The following NUP160 variants were observed in gnomAD, a reference collection of about 807,000 sequenced individuals.
The protein encoded by NUP160 is nuclear pore complex protein Nup160.
In NUP160, 94 loss-of-function variants were observed where a neutral mutation model predicts 196.9. The ratio of observed to expected loss-of-function variants is 0.48; its 90% CI spans 0.40 to 0.57. The LOEUF (loss-of-function observed/expected upper bound fraction) is 0.57, where lower values mean the gene tolerates loss of function less well. NUP160 is among the 20% of genes least tolerant of loss of function. The pLI, the probability that NUP160 is intolerant of heterozygous loss-of-function variation, is 0.00. For missense variants in NUP160, 1,638 were observed against 1,748.3 expected, an observed-to-expected ratio of 0.94 and a Z score of 1.13; for synonymous variants, 605 against 619.7, an observed-to-expected ratio of 0.98 and a Z score of 0.35.
intron 34 of NUP160, among the ~76,000 whole-genome samples, chr11:47,781,903 T>C (rs991576913): frequency 2.0e-5 from 3 of 152,186 alleles, no homozygotes; most frequent in Non-Finnish European, 4.4e-5. Flanking sequence ...TTTAGTTGTA[T>C]AACTACAGAT....
chr11:47,783,750 G>C (rs1335954681), intron 33 of NUP160, among the ~76,000 whole-genome samples: 1 of 151,858 alleles, frequency 6.6e-6, no homozygotes, highest in Admixed American at 6.6e-5. Context: ...TTTTGAGACA[G>C]AGTCTTGCTC....
intron 4 of NUP160, among the ~76,000 whole-genome samples, chr11:47,838,919 G>A (rs947356968): frequency 1.3e-5 from 2 of 151,192 alleles, no homozygotes; most frequent in African/African-American, 4.9e-5. Context: ...CAGGAGAATC[G>A]CTTGAACCCA....
At chr11:47,792,065 C>CTTAA in intron 28 of NUP160, 75 bp from the exon 29 acceptor site, 1 of 994,578 alleles carries the variant, frequency 1.0e-6, no homozygotes, top group South Asian at 1.5e-5. Flanking sequence ...TGATTCATAG[C>CTTAA]TTTTATGCTT....
exon 1 of NUP160, chr11:47,848,305 C>T: frequency 6.2e-7 from 1 of 1,613,954 alleles, no homozygotes; most frequent in Non-Finnish European, 8.5e-7. Context: ...TTCCAGGGCT[C>T]CCGCCGCCGC....
intron 23 of NUP160, among the ~76,000 whole-genome samples, chr11:47,801,323 T>C (rs1025892707): frequency 6.6e-6 from 1 of 152,132 alleles, no homozygotes; most frequent in Admixed American, 6.6e-5. Flanking sequence ...TGGGAAAAAA[T>C]TTTAACTTAA....
At chr11:47,827,541 A>C (rs979190924) in intron 7 of NUP160, among the ~76,000 whole-genome samples, 2 of 151,926 alleles carry the variant, frequency 1.3e-5, no homozygotes, top group African/African-American at 4.8e-5. Flanking sequence ...TTCTCTACCA[A>C]AAAACAACAA....
chr11:47,813,214 C>G (rs1441267580), intron 14 of NUP160, 102 bp downstream of exon 14: 1 of 1,041,900 alleles, frequency 9.6e-7, no homozygotes, highest in African/African-American at 1.6e-5. Flanking sequence ...GGTAAAGTGA[C>G]CAAGACAGGT....
At chr11:47,798,941 TAA>T (rs57343652) in intron 23 of NUP160, among the ~76,000 whole-genome samples, 10 of 111,974 alleles carry the variant, frequency 8.9e-5, no homozygotes, top group Admixed American at 9.6e-5. Flanking sequence ...TCTCTATTAT[TAA>T]AAAAAAAAAA....
chr11:47,806,135 T>C lies in NUP160; in HGVS notation c.2606+18A>G. On this transcript the variant is annotated intron_variant, in intron 20 of 35. Coordinates refer to ENST00000378460, the Ensembl canonical transcript of NUP160. ...GGCCAGAAGAGAGCTTTTCACTGGC[T>C]TCTAAATAAAAGGATACAAAAGCTG... 6.2e-7 allele frequency: 1 copy of C among 1,612,694 alleles called. No individual in the cohort carries two copies.
chr11:47,778,887 T>C (rs556730459), exon 36 of NUP160: 10 of 439,912 alleles, frequency 2.3e-5, no homozygotes, highest in African/African-American at 1.0e-4. Context: ...AAGCAGCTAT[T>C]TGAGACCAAG....
At chr11:47,782,497 C>G (rs2097662011) in intron 34 of NUP160, among the ~76,000 whole-genome samples, 1 of 150,624 alleles carries the variant, frequency 6.6e-6, no homozygotes, top group African/African-American at 2.4e-5. Context: ...CCTACTTAAC[C>G]ATGCTCAGGA....
exon 8 of NUP160, chr11:47,822,143 T>C (rs780930844): frequency 4.4e-6 from 7 of 1,608,402 alleles, no homozygotes; most frequent in Non-Finnish European, 6.0e-6. Flanking sequence ...CTCTCAGTGC[T>C]CACCAACTGG....
At chr11:47,782,224 C>CAGTGAGGGA (rs1359359134) in intron 34 of NUP160, among the ~76,000 whole-genome samples, 3 of 147,402 alleles carry the variant, frequency 2.0e-5, no homozygotes, top group African/African-American at 7.6e-5. Flanking sequence ...GCGGAGGCTG[C>CAGTGAGGGA]AGTGAGGGAG....
At chr11:47,802,134 A>G (rs189914275) in intron 22 of NUP160, among the ~76,000 whole-genome samples, 1 of 152,320 alleles carries the variant, frequency 6.6e-6, no homozygotes, top group Admixed American at 6.5e-5. Flanking sequence ...AGTGCTACCA[A>G]TTAAAAAGTA....
chr11:47,783,138 C>A, exon 34 of NUP160: 1 of 1,614,038 alleles, frequency 6.2e-7, no homozygotes, highest in Non-Finnish European at 8.5e-7. Context: ...ACCAAATCCA[C>A]AGCTTCTTCT....
intron 2 of NUP160, 52 bp from the exon 3 acceptor site, chr11:47,840,640 G>C (rs1015707323): frequency 7.3e-7 from 1 of 1,378,608 alleles, no homozygotes. Context: ...CTCACTGACT[G>C]TTCTACTGAA....
intron 27 of NUP160, 142 bp from the exon 28 acceptor site, chr11:47,793,088 G>C: frequency 6.9e-6 from 4 of 578,654 alleles, no homozygotes; most frequent in Non-Finnish European, 1.2e-5. Flanking sequence ...CCTGGTTCAA[G>C]CGATTCTCCT....
chr11:47,822,550 C>A (rs1851883663), intron 7 of NUP160, among the ~76,000 whole-genome samples: 1 of 151,732 alleles, frequency 6.6e-6, no homozygotes, highest in Admixed American at 6.6e-5. Context: ...GCCACTGCAC[C>A]CGGCCAAAAA....
intron 20 of NUP160, among the ~76,000 whole-genome samples, chr11:47,805,812 A>G (rs542425484): frequency 6.6e-6 from 1 of 152,024 alleles, no homozygotes; most frequent in South Asian, 2.1e-4. Context: ...TAGACTATTT[A>G]GATAGAAGAG....
Sources: gnomAD v4.1 joint callset for allele counts (sites outside exome capture counted in the v4.1 genomes callset) on GRCh38, gnomAD v4.1.1 for gene constraint, MANE v1.5 for transcripts, NCBI Gene and HGNC (gene_info 2026-07-23, HGNC 2026-07-21) for gene names.